CDK20: variants seen among roughly 807,000 people sequenced by gnomAD.
CDK20 encodes cyclin dependent kinase 20.
A neutral mutation model predicts 38.6 loss-of-function variants in CDK20; 40 were observed. The ratio of observed to expected loss-of-function variants is 1.04; its 90% CI spans 0.81 to 1.35. The LOEUF is 1.35. Ranked by LOEUF, CDK20 falls within the 40% of genes most tolerant of loss-of-function variation. The pLI is 0.00. For missense variants in CDK20, 512 were observed against 452.6 expected (o/e 1.13, Z -1.19); for synonymous variants, 209 against 185.7 (o/e 1.13, Z -1.02).
At chr9:87,972,768 T>G (rs559333790) in intron 2 of CDK20, among the ~76,000 whole-genome samples, 90 of 152,300 alleles carry the variant, frequency 5.9e-4, no homozygotes, top group Non-Finnish European at 1.2e-3. Flanking sequence ...CAACTGGATG[T>G]AGGGACCATA....
At chr9:87,972,241 T>C (rs758610642) in intron 2 of CDK20, among the ~76,000 whole-genome samples, 2 of 151,920 alleles carry the variant, frequency 1.3e-5, no homozygotes, top group Non-Finnish European at 2.9e-5. Flanking sequence ...TAGAAGAGGA[T>C]AGTGTGATTC....
chr9:87,968,855 G>C (rs943191519), intron 7 of CDK20: 4 of 302,464 alleles, frequency 1.3e-5, no homozygotes, highest in Non-Finnish European at 2.5e-5. Flanking sequence ...TGGAATAAAG[G>C]AATGAGTCCC....
Position 87,971,775 on chromosome 9 carries a change from C to G in CDK20, c.190-440G>C, listed in dbSNP as rs188193906. ...CACATCACAAACACTGAGGCCAGTACTGTCAGAGGAGCCAGGCTACACAGA... is the reference window on the plus strand; with the variant it reads ...CACATCACAAACACTGAGGCCAGTAGTGTCAGAGGAGCCAGGCTACACAGA... On this transcript the variant is annotated intron_variant, in intron 2 of 7. Coordinates refer to ENST00000325303, the MANE Select transcript of CDK20 (RefSeq NM_001039803.3). Among the ~76,000 whole-genome samples the G allele has an allele frequency of 1.2e-3, 180 of 152,312 alleles. 2 individuals are homozygous for G. The highest frequency in any genetic ancestry group is 3.9e-4 in the East Asian group (2 of 5,174).
In CDK20 at chr9:87,973,946, C is replaced by T; in HGVS notation, c.165G>A (p.Leu55=). ...PNQALREIKA[L]QEMEDNQYVV... ...CATACTGATTGTCCTCCATCTCCTG[C>T]AGAGCCTTAATCTCCCGCAGGGCCT... The change falls in exon 2 of 8, where the codon CTG becomes CTA. Residue 55 remains leucine (L), a synonymous_variant. Transcript: ENST00000325303. 6.2e-7 allele frequency: 1 copy of T among 1,614,126 alleles called. No homozygotes were observed. Among genetic ancestry groups the T allele is most frequent in the Non-Finnish European group, 8.5e-7 (1 of 1,179,998 alleles).
chr9:87,974,162 G>T (rs1381460045), intron 1 of CDK20, 127 bp from the exon 2 acceptor site: 1 of 1,504,064 alleles, frequency 6.6e-7, no homozygotes, highest in Non-Finnish European at 9.0e-7. Flanking sequence ...CTCCTCGGGG[G>T]TCTAGGACTA....
intron 2 of CDK20, among the ~76,000 whole-genome samples, chr9:87,972,968 A>C (rs1271307526): frequency 6.6e-6 from 1 of 152,230 alleles, no homozygotes; most frequent in African/African-American, 2.4e-5. Flanking sequence ...AAAAAGAACA[A>C]AAGAAAAATC....
chr9:87,967,011 A>G lies in CDK20; in HGVS notation c.*451T>C. 4.0e-6 allele frequency: 2 copies of G among 501,710 alleles called. No individual in the cohort carries two copies. The highest frequency in any genetic ancestry group is 1.5e-5 in the South Asian group (1 of 68,488). 31.1% of individuals were successfully genotyped at this position (501,710 alleles called of 1,614,324 possible). Reference sequence around the variant, plus strand: ...GAATCTATATCTCACATACTGAACTAGTGTTTAATGGCTCTGAGAATAAAA... The same window carrying G: ...GAATCTATATCTCACATACTGAACTGGTGTTTAATGGCTCTGAGAATAAAA... On this transcript the variant is annotated 3_prime_UTR_variant, in exon 8 of 8. Coordinates refer to ENST00000325303, the MANE Select transcript of CDK20 (RefSeq NM_001039803.3).
Position 87,973,919 on chromosome 9 carries a change from C to T in CDK20, c.189+3G>A. ...AATACCATGCCCCCCCTCCCCTACT[C>T]ACATACTGATTGTCCTCCATCTCCT... On this transcript the variant is annotated splice_donor_region_variant and intron_variant, in intron 2 of 7. Transcript: ENST00000325303. The T allele has an allele frequency of 1.2e-6, 2 of 1,613,660 alleles. No individual in the cohort carries two copies. The highest frequency in any genetic ancestry group is 1.7e-6 in the Non-Finnish European group (2 of 1,179,810).
In CDK20 at chr9:87,969,842, C is replaced by G; in HGVS notation, c.641G>C (p.Cys214Ser). The change falls in exon 6 of 8, where the codon TGC (cysteine) becomes TCC (serine). Residue 214 changes from cysteine (C) to serine (S), a missense_variant. Coordinates refer to ENST00000325303, the MANE Select transcript of CDK20 (RefSeq NM_001039803.3). ...GGTGCCCAAGATGCGAAGCACATAG[C>G]AAAGCTGTTCAATATCGTTCTTGCC... is the stretch of plus-strand genomic sequence containing the variant. ...FPGKNDIEQL[C>S]YVLRILGTPN... The G allele has an allele frequency of 1.9e-6, 3 of 1,612,966 alleles. No individual in the cohort carries two copies. Among genetic ancestry groups the G allele is most frequent in the South Asian group, 1.1e-5 (1 of 90,944 alleles).
In CDK20 at chr9:87,970,575, C is replaced by T. The variant is rs1475919525; in HGVS notation, c.556G>A (p.Asp186Asn). 4.1e-5 allele frequency: 66 copies of T among 1,613,830 alleles called. No homozygotes were observed. The highest frequency in any genetic ancestry group is 4.8e-5 in the Non-Finnish European group (57 of 1,179,896). Reference sequence around the variant, plus strand: ...CACCCACAGGGGTCTCACCACAGATCGACGCCCTGGTCATACTGGCGGGCA... The same window carrying T: ...CACCCACAGGGGTCTCACCACAGATTGACGCCCTGGTCATACTGGCGGGCA... Reference protein sequence around the residue: ...YGARQYDQGVDLWSVGCIMGE... With the variant: ...YGARQYDQGVNLWSVGCIMGE... Residue 186 changes from aspartate (D) to asparagine (N), a missense_variant, in exon 5 of 8, where the codon GAT becomes AAT. Transcript: ENST00000325303.
chr9:87,974,197 G>C, intron 1 of CDK20, 162 bp from the exon 2 acceptor site: 1 of 1,338,808 alleles, frequency 7.5e-7, no homozygotes, highest in Non-Finnish European at 1.0e-6. Context: ...CGCTGGGGTA[G>C]GGGACCAAGC....
At chr9:87,968,087 G>GA in intron 7 of CDK20, 1 of 161,586 alleles carries the variant, frequency 6.2e-6, no homozygotes. Flanking sequence ...GGACAAAAGT[G>GA]TACTGACCCC....
chr9:87,972,579 G>A (rs1055654592), intron 2 of CDK20, among the ~76,000 whole-genome samples: 2 of 152,226 alleles, frequency 1.3e-5, no homozygotes, highest in Middle Eastern at 3.2e-3. Context: ...GAAGCCACCA[G>A]GGCTTTTTAC....
intron 7 of CDK20, chr9:87,968,287 G>A (rs1829574037): frequency 6.6e-6 from 1 of 152,482 alleles, no homozygotes; most frequent in South Asian, 2.1e-4. Context: ...TGTCTGCCAG[G>A]TGGAGAAGAG....
At chr9:87,973,253 T>G (rs1163606403) in intron 2 of CDK20, among the ~76,000 whole-genome samples, 1 of 152,196 alleles carries the variant, frequency 6.6e-6, no homozygotes, top group African/African-American at 2.4e-5. Context: ...CCCCTCTTCG[T>G]GTTCCAGCAG....
intron 7 of CDK20, chr9:87,968,930 A>G (rs1372267900): frequency 2.1e-6 from 1 of 486,554 alleles, no homozygotes; most frequent in Non-Finnish European, 3.7e-6. Context: ...ACTCCCGGAC[A>G]CGCGCTCTCC....
chr9:87,970,426 C>A (rs1829764483), intron 5 of CDK20, 142 bp downstream of exon 5: 2 of 754,386 alleles, frequency 2.7e-6, no homozygotes, highest in African/African-American at 1.8e-5. Flanking sequence ...CCAAAGTGCT[C>A]AGAATACCCC....
At chr9:87,974,245 T>G (rs930368860) in intron 1 of CDK20, 127 bp downstream of exon 1, 24 of 1,222,098 alleles carry the variant, frequency 2.0e-5, no homozygotes, top group African/African-American at 3.0e-5. Flanking sequence ...CCAAAGTAGG[T>G]TTAGAATATG....
At position 87,969,256 on chromosome 9, in the gene CDK20, C is replaced by G; in HGVS notation, c.781G>C (p.Ala261Pro). ...EEVLPDVSPQ[A>P]LDLLGQFLLY... ...AGGAATTGACCCAGCAGATCCAATG[C>G]CTGGGGAGAGACGTCAGGCAGCACC... Residue 261 changes from alanine (A) to proline (P), a missense_variant, in exon 7 of 8, where the codon GCA becomes CCA. Physicochemically the swap from Ala to Pro is conservative, Grantham distance 27. Transcript: ENST00000325303. 6.2e-7 allele frequency: 1 copy of G among 1,614,028 alleles called. No individual in the cohort carries two copies. The highest frequency in any genetic ancestry group is 8.5e-7 in the Non-Finnish European group (1 of 1,179,980).
Sources: allele counts gnomAD v4.1 joint callset (sites outside exome capture counted in the v4.1 genomes callset), GRCh38; gene constraint gnomAD v4.1.1; transcripts MANE v1.5; gene names NCBI Gene and HGNC (gene_info 2026-07-23, HGNC 2026-07-21).